MAP4: variants seen among roughly 807,000 people sequenced by gnomAD.
MAP4 encodes the protein microtubule-associated protein 4.
A neutral mutation model predicts 170.2 loss-of-function variants in MAP4; 76 were observed. That is an observed-to-expected ratio of 0.45 (90% CI 0.37 to 0.54). The LOEUF (loss-of-function observed/expected upper bound fraction) is 0.54, where lower values mean the gene tolerates loss of function less well. Ranked by LOEUF, MAP4 falls within the 20% of genes least tolerant of loss-of-function variation. The pLI is 0.00. For synonymous variants in MAP4, 909 were observed against 994.5 expected (o/e 0.91, Z 1.62); for missense variants, 2,506 against 2,748.0 (o/e 0.91, Z 1.97).
At chr3:48,030,088 T>TTA (rs1416945361) in intron 1 of MAP4, among the ~76,000 whole-genome samples, 1 of 148,414 alleles carries the variant, frequency 6.7e-6, no homozygotes, top group Non-Finnish European at 1.5e-5. Context: ...ATTATATATT[T>TTA]TATATATATG....
intron 1 of MAP4, among the ~76,000 whole-genome samples, chr3:48,033,604 T>C (rs1242015970): frequency 6.6e-6 from 1 of 152,128 alleles, no homozygotes; most frequent in East Asian, 1.9e-4. Context: ...TTTATTTTTA[T>C]TTTTAATTTT....
chr3:47,969,717 A>G (rs2100077391), intron 3 of MAP4, among the ~76,000 whole-genome samples: 1 of 152,110 alleles, frequency 6.6e-6, no homozygotes, highest in Admixed American at 6.5e-5. Flanking sequence ...CTCTGACACC[A>G]AGAGACAAGA....
At chr3:47,982,958 C>T (rs534104462) in intron 2 of MAP4, among the ~76,000 whole-genome samples, 55 of 152,272 alleles carry the variant, frequency 3.6e-4, no homozygotes, top group African/African-American at 1.2e-3. Context: ...AGTGCAGTGG[C>T]GCAATCTTGG....
At chr3:48,050,258 CA>C (rs11345368) in intron 1 of MAP4, among the ~76,000 whole-genome samples, 75,770 of 120,452 alleles carry the variant, frequency 0.63, 21,612 homozygotes, top group East Asian at 0.72. Flanking sequence ...GACTCCATCT[CA>C]AAAAAAAAAA....
rs764884057 is a variant in MAP4 at position 47,998,713 on chromosome 3, G to A, written c.148C>T (p.Leu50Phe). The A allele has an allele frequency of 2.9e-5, 47 of 1,613,990 alleles. No homozygotes were observed. Among genetic ancestry groups the A allele is most frequent in the African/African-American group, 5.3e-5 (4 of 74,902 alleles). ...CCGGTTTTCTCATCAACATCCAGGA[G>A]AGGAATATAGTCTGTTTTTCCAACA... is the stretch of plus-strand genomic sequence containing the variant. ...ETVGKTDYIP[L>F]LDVDEKTGNS... Residue 50 changes from leucine to phenylalanine, a missense_variant, in exon 2 of 21, where the codon CTC becomes TTC. Physicochemically the swap from Leu to Phe is conservative, Grantham distance 22 (BLOSUM62 0). Coordinates refer to ENST00000683076, the MANE Select transcript of MAP4 (RefSeq NM_001385682.1).
upstream of MAP4, among the ~76,000 whole-genome samples, chr3:48,020,952 C>T (rs1322921916): frequency 1.3e-5 from 2 of 152,160 alleles, no homozygotes; most frequent in Admixed American, 1.3e-4. Context: ...GCATGTGCTA[C>T]TGCACCAAAA....
At chr3:47,878,831 C>G (rs1333559636) in intron 10 of MAP4, among the ~76,000 whole-genome samples, 1 of 145,120 alleles carries the variant, frequency 6.9e-6, no homozygotes, top group Non-Finnish European at 1.5e-5. Context: ...AACCACCATG[C>G]CTGGCCTGAA....
chr3:47,924,126 G>C lies in MAP4; in HGVS notation c.416-2248C>G, dbSNP rs376049735. 2.6e-5 allele frequency among the ~76,000 whole-genome samples: 4 copies of C among 152,304 alleles called. No individual in the cohort carries two copies. In the East Asian group the frequency reaches 7.7e-4, roughly 29 times the overall value. The stretch of plus-strand genomic sequence containing the variant: ...GGGTGCCTACCACATGGCAGACCCA[G>C]TATGCTCTAAAAAACCCAAAGATGT... On this transcript the variant is annotated intron_variant, in intron 4 of 20. Coordinates refer to ENST00000683076, the MANE Select transcript of MAP4 (RefSeq NM_001385682.1).
chr3:48,042,589 A>T (rs1294438947), intron 1 of MAP4, among the ~76,000 whole-genome samples: 1 of 151,506 alleles, frequency 6.6e-6, no homozygotes, highest in Non-Finnish European at 1.5e-5. Context: ...TGACTAAAAT[A>T]AAAAAAAACA....
At position 47,977,891 on chromosome 3, in the gene MAP4, T is replaced by C; in HGVS notation, c.266A>G (p.His89Arg). The C allele has an allele frequency of 6.2e-7, 1 of 1,613,158 alleles. No individual in the cohort carries two copies. Among genetic ancestry groups the C allele is most frequent in the Admixed American group, 1.7e-5 (1 of 60,028 alleles). Residue 89 changes from histidine to arginine, a missense_variant, in exon 3 of 21, where the codon CAT (histidine) becomes CGT (arginine). By Grantham distance (29) the His-to-Arg change is conservative. This residue lies in a region of MAP4 where 2,008 missense variants were observed against 2,206.0 expected (regional missense o/e 0.91). Transcript: ENST00000683076. ...SKPTLLANGG[H>R]GVEGSDTTGS... ...TGTAGTATCGCTCCCTTCTACTCCA[T>C]GACCACCATTGGCTAGGAGTGTTGG...
At chr3:47,897,012 A>T (rs1277415484) in intron 10 of MAP4, among the ~76,000 whole-genome samples, 1 of 152,222 alleles carries the variant, frequency 6.6e-6, no homozygotes, top group African/African-American at 2.4e-5. Flanking sequence ...GCCCATGATC[A>T]CATGGTGAAA....
chr3:48,078,291 T>C (rs1317384249), intron 1 of MAP4, among the ~76,000 whole-genome samples: 1 of 150,856 alleles, frequency 6.6e-6, no homozygotes, highest in Non-Finnish European at 1.5e-5. Flanking sequence ...ACTACAGGTG[T>C]GCACCACCAT....
chr3:48,054,814 A>T (rs2100129855), intron 1 of MAP4, among the ~76,000 whole-genome samples: 1 of 151,914 alleles, frequency 6.6e-6, no homozygotes, highest in Non-Finnish European at 1.5e-5. Context: ...TCTCCAAAAA[A>T]AAAAAAGAAA....
chr3:48,003,296 T>C (rs2100100343), intron 1 of MAP4, among the ~76,000 whole-genome samples: 2 of 151,642 alleles, frequency 1.3e-5, no homozygotes, highest in South Asian at 4.2e-4. Flanking sequence ...CTACTAAAAA[T>C]ACAAAATATT....
chr3:47,884,156 G>A (rs1490998214), intron 10 of MAP4, among the ~76,000 whole-genome samples: 3 of 152,188 alleles, frequency 2.0e-5, no homozygotes, highest in Non-Finnish European at 4.4e-5. Context: ...CCATGGGTCT[G>A]AAGATATGTT....
chr3:48,034,181 G>C lies in MAP4; in HGVS notation c.-19-35302C>G, dbSNP rs187585740. On this transcript the variant is annotated intron_variant, in intron 1 of 18. Transcript: ENST00000360240. Reference sequence around the variant, plus strand: ...AACCACAGAGTTAGGCTTATTGTGTGGTTAGCCTATCTGGCATGCCTTTGT... The same window carrying C: ...AACCACAGAGTTAGGCTTATTGTGTCGTTAGCCTATCTGGCATGCCTTTGT... Among the ~76,000 whole-genome samples the C allele has an allele frequency of 3.9e-5, 6 of 152,240 alleles. No individual in the cohort carries two copies. The East Asian group carries it at 1.2e-3, about 29-fold the overall frequency.
intron 17 of MAP4, among the ~76,000 whole-genome samples, 199 bp from the exon 18 acceptor site, chr3:47,857,711 T>TC (rs1297344867): frequency 1.3e-5 from 2 of 151,012 alleles, no homozygotes; most frequent in African/African-American, 2.4e-5. Context: ...GCTCTTCACT[T>TC]CCTTTTTTTT....
At chr3:47,914,751 G>T in intron 8 of MAP4, 66 bp downstream of exon 8, 1 of 1,587,474 alleles carries the variant, frequency 6.3e-7, no homozygotes, top group Non-Finnish European at 8.6e-7. Flanking sequence ...TAGAGACAAT[G>T]TCTACCATCA....
At chr3:48,052,222 T>C (rs1256194498) in intron 1 of MAP4, among the ~76,000 whole-genome samples, 1 of 152,118 alleles carries the variant, frequency 6.6e-6, no homozygotes, top group Non-Finnish European at 1.5e-5. Flanking sequence ...AGGGTGGGTT[T>C]TTTTGTTTTT....
Sources: gnomAD v4.1 joint callset for allele counts (sites outside exome capture counted in the v4.1 genomes callset) on GRCh38, gnomAD v4.1.1 for gene constraint, gnomAD v4.1.1 regional missense constraint, MANE v1.5 for transcripts, NCBI Gene and HGNC (gene_info 2026-07-23, HGNC 2026-07-21) for gene names.